OGDH: variants seen among roughly 807,000 people sequenced by gnomAD.
OGDH encodes oxoglutarate dehydrogenase.
In OGDH, 38 loss-of-function variants were observed where a neutral mutation model predicts 116.6. The observed-to-expected ratio is 0.33, with a 90% confidence interval of 0.25 to 0.43. The LOEUF is 0.43. Among genes scored for constraint, OGDH ranks in the 20% least tolerant of loss-of-function variants. The probability of loss-of-function intolerance (pLI) is 1.00; values close to 1 mark genes in which losing one functional copy is unlikely to be tolerated. For synonymous variants in OGDH, 488 were observed against 533.3 expected (o/e 0.92, Z 1.17); for missense variants, 825 against 1,357.2 (o/e 0.61, Z 6.16).
At chr7:44,693,802 G>A (rs766600429) in intron 10 of OGDH, 23 bp from the exon 11 acceptor site, 1 of 1,550,014 alleles carries the variant, frequency 6.5e-7, no homozygotes, top group South Asian at 1.2e-5. Context: ...GTGCCCTCTT[G>A]CTAGGCTACA....
intron 4 of OGDH, among the ~76,000 whole-genome samples, chr7:44,651,330 C>T (rs1310984273): frequency 6.6e-6 from 1 of 152,166 alleles, no homozygotes; most frequent in African/African-American, 2.4e-5. Context: ...CTTCACTTCT[C>T]AGAAATTCTC....
At chr7:44,631,538 T>C (rs1422225859) in intron 2 of OGDH, among the ~76,000 whole-genome samples, 2 of 152,260 alleles carry the variant, frequency 1.3e-5, no homozygotes, top group Admixed American at 1.3e-4. Flanking sequence ...CTAAACTGAC[T>C]GAGTGCGCCT....
At chr7:44,669,016 G>A (rs914386975) in intron 5 of OGDH, among the ~76,000 whole-genome samples, 1 of 152,094 alleles carries the variant, frequency 6.6e-6, no homozygotes, top group Non-Finnish European at 1.5e-5. Flanking sequence ...CACTGCTCAT[G>A]TGTTCCACCC....
chr7:44,696,550 T>C lies in OGDH; in HGVS notation c.1893T>C (p.Ile631=). The C allele has an allele frequency of 6.2e-7, 1 of 1,614,204 alleles. No homozygotes were observed. The highest frequency in any genetic ancestry group is 8.5e-7 in the Non-Finnish European group (1 of 1,180,022). The change falls in exon 14 of 23, where the codon ATT becomes ATC. Residue 631 remains isoleucine (I), a synonymous_variant. Coordinates refer to ENST00000222673, the MANE Select transcript of OGDH (RefSeq NM_002541.4). ...ASSVPVENFT[I]HGGLSRILKT... ...CTGTGCCTGTGGAAAACTTTACTAT[T>C]CATGGAGGTAACACGCTCTGTGCTG...
chr7:44,673,332 A>G (rs1273174090), intron 5 of OGDH, among the ~76,000 whole-genome samples: 3 of 152,188 alleles, frequency 2.0e-5, no homozygotes, highest in Non-Finnish European at 2.9e-5. Context: ...AAATAAATAA[A>G]TAAATAATTT....
intron 4 of OGDH, among the ~76,000 whole-genome samples, chr7:44,652,086 G>T (rs1183910318): frequency 6.6e-6 from 1 of 151,660 alleles, no homozygotes; most frequent in Non-Finnish European, 1.5e-5. Context: ...CCGTAATTGT[G>T]CCAGGTGATG....
rs749003761 is a variant in OGDH, at chr7:44,707,204, G to A, written c.2633-21G>A. The A allele has an allele frequency of 2.2e-5, 35 of 1,613,032 alleles. 1 individual carries two copies. The highest frequency in any genetic ancestry group is 3.0e-5 in the Non-Finnish European group (35 of 1,179,456). ...CCACATACCTGAGAGAACCAGCCTA[G>A]CCATGGGAACTCTCTTGTAGGAACC... On this transcript the variant is annotated intron_variant, in intron 20 of 22. Coordinates refer to ENST00000222673, the MANE Select transcript of OGDH (RefSeq NM_002541.4). This position sits in a 1 kb window ranked among gnomAD's most constrained non-coding sequence, Gnocchi z 5.2.
rs1408474732 is a variant in OGDH at position 44,696,530 on chromosome 7, C to T, written c.1873C>T (p.Pro625Ser). The change falls in exon 14 of 23, where the codon CCT (proline) becomes TCT (serine). Residue 625 changes from proline to serine, a missense_variant. Pro to Ser is a moderately conservative substitution (Grantham distance 74). Around this residue, in one of 7 missense-constraint regions of OGDH, gnomAD observed 92 missense variants for 129.7 expected, o/e 0.71. Transcript: ENST00000222673. ...THIGNVASSV[P>S]VENFTIHGGL... ...CATCGGGAATGTGGCTAGTTCTGTG[C>T]CTGTGGAAAACTTTACTATTCATGG... is the stretch of plus-strand genomic sequence containing the variant. 5.0e-6 allele frequency: 8 copies of T among 1,614,194 alleles called. No individual in the cohort carries two copies. The highest frequency in any genetic ancestry group is 5.1e-6 in the Non-Finnish European group (6 of 1,180,032).
At chr7:44,664,834 C>T (rs1214288684) in intron 4 of OGDH, among the ~76,000 whole-genome samples, 2 of 152,128 alleles carry the variant, frequency 1.3e-5, no homozygotes, top group Admixed American at 6.5e-5. Context: ...TTCTGAGGCT[C>T]AGCAGTATAG....
intron 2 of OGDH, among the ~76,000 whole-genome samples, chr7:44,634,736 C>T (rs911563942): frequency 1.3e-5 from 2 of 152,160 alleles, no homozygotes; most frequent in Non-Finnish European, 2.9e-5. Context: ...CTTGTTTTTG[C>T]TTCATAGGCA....
chr7:44,671,919 A>G (rs933648852), intron 5 of OGDH, among the ~76,000 whole-genome samples: 1 of 151,650 alleles, frequency 6.6e-6, no homozygotes, highest in Non-Finnish European at 1.5e-5. Flanking sequence ...AATACAAAAA[A>G]TTAGCCGGGT....
chr7:44,702,201 C>T (rs1788864121), intron 20 of OGDH, among the ~76,000 whole-genome samples: 2 of 152,202 alleles, frequency 1.3e-5, no homozygotes, highest in Admixed American at 1.3e-4. Flanking sequence ...CCCCCAAGGA[C>T]TCCACTAGAG....
At chr7:44,689,208 CTTTTTTT>C (rs367897508) in intron 10 of OGDH, among the ~76,000 whole-genome samples, 1 of 101,348 alleles carries the variant, frequency 9.9e-6, no homozygotes, top group Non-Finnish European at 1.9e-5. Flanking sequence ...ATCAGGGTTC[CTTTTTTT>C]TTTTTTTTTT....
chr7:44,624,361 T>C lies in OGDH; in HGVS notation c.18T>C (p.Thr6=), dbSNP rs985564429. Residue 6 remains threonine (T), a synonymous_variant, in exon 2 of 23, where the codon ACT becomes ACC. Transcript: ENST00000222673. MFHLR[T]CAAKLRPLTA... ...GGACAAAAATGTTTCATTTAAGGAC[T>C]TGTGCTGCTAAGTTGAGGCCATTGA... The C allele has an allele frequency of 3.2e-5, 51 of 1,599,746 alleles. No individual in the cohort carries two copies. The highest frequency in any genetic ancestry group is 4.1e-5 in the Non-Finnish European group (48 of 1,172,996).
At chr7:44,660,934 G>A (rs111539929) in intron 4 of OGDH, among the ~76,000 whole-genome samples, 8 of 151,160 alleles carry the variant, frequency 5.3e-5, no homozygotes, top group African/African-American at 9.8e-5. Context: ...ACACACACAC[G>A]CGCGTGTGCA....
At chr7:44,678,018 G>C (rs1205281896) in intron 9 of OGDH, among the ~76,000 whole-genome samples, 1 of 152,148 alleles carries the variant, frequency 6.6e-6, no homozygotes, top group Non-Finnish European at 1.5e-5. Flanking sequence ...CCTGGGCTGG[G>C]GAAGTGATTC....
At chr7:44,682,533 A>G (rs1787972535) in intron 10 of OGDH, among the ~76,000 whole-genome samples, 1 of 151,788 alleles carries the variant, frequency 6.6e-6, no homozygotes, top group South Asian at 2.1e-4. Context: ...CCTCATCTCT[A>G]CTAAAAATAC....
intron 1 of OGDH, 41 bp from the exon 2 acceptor site, chr7:44,624,276 A>G (rs1291050014): frequency 1.4e-6 from 2 of 1,391,684 alleles, no homozygotes; most frequent in Non-Finnish European, 2.0e-6. Context: ...CTCATTTTTA[A>G]AACCTTTCTT....
At chr7:44,626,017 C>A (rs1241955138) in intron 2 of OGDH, among the ~76,000 whole-genome samples, 1 of 152,074 alleles carries the variant, frequency 6.6e-6, no homozygotes, top group African/African-American at 2.4e-5. Context: ...CCCATGACTG[C>A]TGGGCCACCA....
Sources: gnomAD v4.1 joint callset for allele counts (sites outside exome capture counted in the v4.1 genomes callset) on GRCh38, gnomAD v4.1.1 for gene constraint, gnomAD v4.1.1 regional missense constraint, Gnocchi (gnomAD v3.1) non-coding constraint, MANE v1.5 for transcripts, NCBI Gene and HGNC (gene_info 2026-07-23, HGNC 2026-07-21) for gene names.